The following STK39 variants were observed in gnomAD, a reference collection of about 807,000 sequenced individuals.
The protein encoded by STK39 is serine/threonine kinase 39.
A neutral mutation model predicts 77.8 loss-of-function variants in STK39; 20 were observed. That is an observed-to-expected ratio of 0.26 (90% CI 0.18 to 0.37). The LOEUF is 0.37. Among genes scored for constraint, STK39 ranks in the 10% least tolerant of loss-of-function variants. STK39 has a pLI of 1.00. For missense variants in STK39, 479 were observed against 656.5 expected (o/e 0.73, Z 2.95); for synonymous variants, 246 against 234.1 (o/e 1.05, Z -0.47).
intron 14 of STK39, among the ~76,000 whole-genome samples, chr2:168,054,632 A>C (rs1685477650): frequency 6.6e-6 from 1 of 152,208 alleles, no homozygotes. Flanking sequence ...CCACGTAATA[A>C]CATATACCAC....
chr2:168,031,758 A>T (rs534541475), intron 14 of STK39, among the ~76,000 whole-genome samples: 17 of 152,358 alleles, frequency 1.1e-4, no homozygotes, highest in African/African-American at 3.8e-4. Flanking sequence ...GCTTCATCGT[A>T]GACTTCTAGG....
chr2:168,085,772 C>T (rs553451070), intron 10 of STK39, among the ~76,000 whole-genome samples: 1 of 152,346 alleles, frequency 6.6e-6, no homozygotes, highest in Non-Finnish European at 1.5e-5. Flanking sequence ...TACCAACAGA[C>T]AGAGTCCAGT....
chr2:168,040,094 C>T (rs72887646), intron 14 of STK39, among the ~76,000 whole-genome samples: 8,738 of 152,052 alleles, frequency 0.057, 351 homozygotes, highest in Non-Finnish European at 0.091. Context: ...CACCGCACTC[C>T]GATCTACAAA....
rs1402866412 is a variant in STK39, at chr2:168,123,876, A to AG, written c.1089+5664_1089+5665insC. On this transcript the variant is annotated intron_variant, in intron 10 of 17. Coordinates refer to ENST00000355999, the MANE Select transcript of STK39 (RefSeq NM_013233.3). ...CAAAAGAGCGAGATTCCATCTCAAAAAAAAAAAAAAAAAAGTTAAAAACAA... is the reference window on the plus strand; with the variant it reads ...CAAAAGAGCGAGATTCCATCTCAAAAGAAAAAAAAAAAAAAGTTAAAAACAA... Among the ~76,000 whole-genome samples the AG allele has an allele frequency of 7.8e-5, 10 of 127,746 alleles. No homozygotes were observed. In the East Asian group the frequency reaches 2.8e-3, roughly 36 times the overall value. 83.8% of individuals were successfully genotyped at this position (127,746 alleles called of 152,430 possible).
chr2:168,032,632 T>C (rs1390980460), intron 14 of STK39, among the ~76,000 whole-genome samples: 1 of 152,190 alleles, frequency 6.6e-6, no homozygotes, highest in Non-Finnish European at 1.5e-5. Context: ...TCTTCAGAAG[T>C]GTATATACAG....
At chr2:168,102,411 T>C (rs1298675405) in intron 10 of STK39, among the ~76,000 whole-genome samples, 1 of 152,166 alleles carries the variant, frequency 6.6e-6, no homozygotes, top group Non-Finnish European at 1.5e-5. Flanking sequence ...CATGATCTTA[T>C]GAGGTAAAAA....
At chr2:168,234,769 A>G (rs1690553823) in intron 1 of STK39, among the ~76,000 whole-genome samples, 1 of 152,208 alleles carries the variant, frequency 6.6e-6, no homozygotes, top group African/African-American at 2.4e-5. Context: ...TAAGTAAATA[A>G]AAATCATTTT....
chr2:168,133,920 G>GAA (rs1353323664), intron 8 of STK39, among the ~76,000 whole-genome samples: 1 of 151,928 alleles, frequency 6.6e-6, no homozygotes, highest in African/African-American at 2.4e-5. Context: ...CTGAGGTCCT[G>GAA]CTGCCCATTT....
intron 16 of STK39, among the ~76,000 whole-genome samples, chr2:167,977,309 T>C (rs1036674004): frequency 6.6e-6 from 1 of 152,182 alleles, no homozygotes; most frequent in Non-Finnish European, 1.5e-5. Flanking sequence ...CATTATGTTA[T>C]GGGAAGTGTC....
intron 1 of STK39, among the ~76,000 whole-genome samples, chr2:168,232,692 C>A (rs1690489039): frequency 6.6e-6 from 1 of 152,124 alleles, no homozygotes; most frequent in Non-Finnish European, 1.5e-5. Context: ...GCAGGCAAAT[C>A]ACGAGGTCAG....
chr2:168,226,382 C>T lies in STK39; in HGVS notation c.208+20846G>A, dbSNP rs181358201. Among the ~76,000 whole-genome samples the T allele has an allele frequency of 1.4e-3, 208 of 152,136 alleles. 1 individual carries two copies. The highest frequency in any genetic ancestry group is 2.2e-3 in the Non-Finnish European group (150 of 68,006). On this transcript the variant is annotated intron_variant, in intron 1 of 17. Coordinates refer to ENST00000355999, the MANE Select transcript of STK39 (RefSeq NM_013233.3). ...CCACATCTACCTTTATAAAGAATGCCCCATTATTTGGGTAATTTTAGTGAG... is the reference window on the plus strand; with the variant it reads ...CCACATCTACCTTTATAAAGAATGCTCCATTATTTGGGTAATTTTAGTGAG...
chr2:168,247,171 T>G, intron 1 of STK39, 57 bp downstream of exon 1: 1 of 1,013,534 alleles, frequency 9.9e-7, no homozygotes, highest in Non-Finnish European at 1.2e-6. Context: ...CCGCGCCCCC[T>G]CCCGCCCGGC....
chr2:168,196,209 C>A (rs1439025666), intron 1 of STK39, among the ~76,000 whole-genome samples: 1 of 152,180 alleles, frequency 6.6e-6, no homozygotes, highest in Non-Finnish European at 1.5e-5. Context: ...ACATCTTATA[C>A]AATAATGAAG....
intron 14 of STK39, among the ~76,000 whole-genome samples, chr2:168,039,131 C>A (rs558995308): frequency 5.9e-4 from 90 of 151,584 alleles, no homozygotes; most frequent in African/African-American, 2.0e-3. Context: ...GAAAAAAAAT[C>A]CCCAAATGTC....
chr2:168,207,713 A>G (rs1481337342), intron 1 of STK39, among the ~76,000 whole-genome samples: 1 of 152,264 alleles, frequency 6.6e-6, no homozygotes, highest in African/African-American at 2.4e-5. Flanking sequence ...ATGGTTAACT[A>G]AAATTTACTG....
intron 10 of STK39, among the ~76,000 whole-genome samples, chr2:168,113,402 A>C (rs973646025): frequency 6.6e-6 from 1 of 152,210 alleles, no homozygotes; most frequent in African/African-American, 2.4e-5. Flanking sequence ...ACAGTGTAAC[A>C]CAGCGAAGAC....
At chr2:168,206,537 G>A (rs1442915098) in intron 1 of STK39, among the ~76,000 whole-genome samples, 2 of 152,144 alleles carry the variant, frequency 1.3e-5, no homozygotes, top group Non-Finnish European at 2.9e-5. Context: ...CCGAGCTCAG[G>A]TGATCTGCCT....
intron 5 of STK39, among the ~76,000 whole-genome samples, chr2:168,144,292 C>T (rs1279160251): frequency 2.0e-5 from 3 of 151,884 alleles, no homozygotes; most frequent in African/African-American, 4.8e-5. Flanking sequence ...CTTATTTAGG[C>T]CTATTTTTAT....
intron 10 of STK39, among the ~76,000 whole-genome samples, chr2:168,121,205 T>G (rs1162169212): frequency 6.6e-6 from 1 of 152,248 alleles, no homozygotes; most frequent in Non-Finnish European, 1.5e-5. Flanking sequence ...TGGAGTTCAC[T>G]CCTGCTTATT....
Sources: allele counts gnomAD v4.1 joint callset (sites outside exome capture counted in the v4.1 genomes callset), GRCh38; gene constraint gnomAD v4.1.1; transcripts MANE v1.5; gene names NCBI Gene and HGNC (gene_info 2026-07-23, HGNC 2026-07-21).